The following TAAR5 variants were observed in gnomAD, a reference collection of about 807,000 sequenced individuals.
TAAR5 encodes trace amine-associated receptor 5.
Under a neutral mutation model 21.1 loss-of-function variants are expected in TAAR5, and 27 were observed. The observed-to-expected ratio is 1.28, with a 90% CI of 0.94 to 1.76. The LOEUF is 1.76. TAAR5 is among the 40% of genes most tolerant of loss of function. The probability of loss-of-function intolerance (pLI) is 0.00; values close to 1 mark genes in which losing one functional copy is unlikely to be tolerated. For missense variants in TAAR5, 495 were observed against 405.6 expected (o/e 1.22, Z -1.89); for synonymous variants, 203 against 167.5 (o/e 1.21, Z -1.64).
At chr6:132,602,779 C>CAAA in the TAAR5 span, among the ~76,000 whole-genome samples, 3,297 of 95,798 alleles carry the variant, frequency 0.034, 76 homozygotes, top group Middle Eastern at 0.073. Flanking sequence ...CTTTAGAAGT[C>CAAA]AAAAAAAAAA....
the TAAR5 span, chr6:132,608,594 G>C: frequency 1.5e-5 from 7 of 455,740 alleles, no homozygotes; most frequent in Non-Finnish European, 3.1e-5. Context: ...CTGATGACTC[G>C]AGCATGCTGT....
upstream of TAAR5, among the ~76,000 whole-genome samples, chr6:132,592,575 G>T (rs1391583115): frequency 6.6e-6 from 1 of 152,312 alleles, no homozygotes; most frequent in East Asian, 1.9e-4. Flanking sequence ...GGAGGTGCTT[G>T]GATCATGGGG....
the TAAR5 span, among the ~76,000 whole-genome samples, chr6:132,615,448 A>T: frequency 1.2e-4 from 13 of 108,064 alleles, no homozygotes; most frequent in African/African-American, 2.4e-4. Flanking sequence ...ATCTTTATTT[A>T]AAAAAAAAGC....
chr6:132,592,694 C>T (rs947144703), upstream of TAAR5, among the ~76,000 whole-genome samples: 2 of 152,170 alleles, frequency 1.3e-5, no homozygotes, highest in Non-Finnish European at 2.9e-5. Flanking sequence ...CCTGCTTCAG[C>T]CATGTAAGAT....
At position 132,589,496 on chromosome 6, in the gene TAAR5, G is replaced by A. The variant is rs752220968; in HGVS notation, c.191C>T (p.Ala64Val). The A allele has an allele frequency of 1.4e-5, 23 of 1,613,778 alleles. No individual in the cohort carries two copies. The highest frequency in any genetic ancestry group is 4.5e-5 in the East Asian group (2 of 44,864). Residue 64 changes from alanine to valine, a missense_variant, in exon 1 of 1, where the codon GCG becomes GTG. Transcript: ENST00000258034. ...CAGGAAGTTGGTGGGCGTGTGAAGC[G>A]CTTTGAAGTAGGACACAGCAAATGC... ...FVAFAVSYFK[A>V]LHTPTNFLLL...
At chr6:132,608,396 C>G in the TAAR5 span, 1 of 455,826 alleles carries the variant, frequency 2.2e-6, no homozygotes, top group African/African-American at 2.0e-5. Context: ...CGGAGCCACA[C>G]TAAAAGATCC....
At chr6:132,615,065 T>C in the TAAR5 span, among the ~76,000 whole-genome samples, 2 of 152,184 alleles carry the variant, frequency 1.3e-5, no homozygotes, top group African/African-American at 4.8e-5. Flanking sequence ...GGTTTCACTG[T>C]GTTGGCCAGG....
the TAAR5 span, among the ~76,000 whole-genome samples, chr6:132,596,429 G>A: frequency 3.7e-4 from 57 of 152,146 alleles, no homozygotes; most frequent in African/African-American, 1.1e-3. Flanking sequence ...CCTGAGAATA[G>A]GCTAAAACTG....
the TAAR5 span, among the ~76,000 whole-genome samples, chr6:132,604,903 G>A: frequency 2.5e-3 from 374 of 152,286 alleles, 5 homozygotes; most frequent in Non-Finnish European, 1.1e-3. Flanking sequence ...CAACTAGACC[G>A]AACGTGTCAG....
the TAAR5 span, among the ~76,000 whole-genome samples, chr6:132,612,787 C>G: frequency 1.3e-5 from 2 of 152,020 alleles, no homozygotes; most frequent in Admixed American, 6.6e-5. Context: ...CACATACTCT[C>G]AAAGATAAAA....
the TAAR5 span, among the ~76,000 whole-genome samples, chr6:132,599,644 T>C: frequency 6.6e-6 from 1 of 152,160 alleles, no homozygotes; most frequent in East Asian, 1.9e-4. Flanking sequence ...CTTGCTCTTG[T>C]AGAAATAGAA....
the TAAR5 span, among the ~76,000 whole-genome samples, chr6:132,615,909 C>T: frequency 2.8e-5 from 4 of 140,686 alleles, no homozygotes; most frequent in African/African-American, 7.8e-5. Context: ...CACACACACA[C>T]ACACGAGATA....
At chr6:132,613,833 A>G in the TAAR5 span, among the ~76,000 whole-genome samples, 1 of 152,218 alleles carries the variant, frequency 6.6e-6, no homozygotes, top group African/African-American at 2.4e-5. Context: ...AAGCATTTGT[A>G]CATGTGCTCT....
At chr6:132,608,427 G>A in the TAAR5 span, 61 of 455,930 alleles carry the variant, frequency 1.3e-4, no homozygotes, top group African/African-American at 1.1e-3. Flanking sequence ...TGGGAGTGGA[G>A]TAGTCTAGGT....
chr6:132,591,739 G>A (rs11154688), upstream of TAAR5, among the ~76,000 whole-genome samples: 36,330 of 152,132 alleles, frequency 0.24, 5,109 homozygotes, highest in Non-Finnish European at 0.33. Context: ...GGCTGAAGAA[G>A]AAACAGGGAA....
chr6:132,596,761 C>G, the TAAR5 span, among the ~76,000 whole-genome samples: 2 of 152,082 alleles, frequency 1.3e-5, no homozygotes, highest in East Asian at 3.9e-4. Context: ...GTGTTCAGCT[C>G]CTTTATAAAG....
chr6:132,602,525 G>T, the TAAR5 span, among the ~76,000 whole-genome samples: 5 of 152,214 alleles, frequency 3.3e-5, no homozygotes, highest in African/African-American at 1.2e-4. Flanking sequence ...GCCGTAATGC[G>T]AGCAATGGGG....
upstream of TAAR5, chr6:132,589,741 GCAAAAA>G (rs1776878206): frequency 2.8e-5 from 3 of 108,242 alleles, no homozygotes; most frequent in Non-Finnish European, 2.8e-5. Flanking sequence ...CCACTGGAGG[GCAAAAA>G]AAAAAAAAAA....
the TAAR5 span, among the ~76,000 whole-genome samples, chr6:132,616,236 G>A: frequency 7.2e-5 from 11 of 152,116 alleles, no homozygotes; most frequent in African/African-American, 2.7e-4. Context: ...ACTGGTCACA[G>A]CCCATCAGTT....
Sources: gnomAD v4.1 joint callset for allele counts (sites outside exome capture counted in the v4.1 genomes callset) on GRCh38, gnomAD v4.1.1 for gene constraint, MANE v1.5 for transcripts, NCBI Gene and HGNC (gene_info 2026-07-23, HGNC 2026-07-21) for gene names.